Variants in RP1 observed in about 807,000 individuals in gnomAD.
RP1 encodes the protein RP1 axonemal microtubule associated.
Under a neutral mutation model 14.8 loss-of-function variants are expected in RP1, and 16 were observed. The observed-to-expected ratio is 1.08, with a 90% CI of 0.73 to 1.65. The LOEUF is 1.65. Among genes scored for constraint, RP1 ranks in the 40% most tolerant of loss-of-function variants. The probability of loss-of-function intolerance (pLI) is 0.00; values close to 1 mark genes in which losing one functional copy is unlikely to be tolerated. For synonymous variants in RP1, 876 were observed against 883.6 expected, an observed-to-expected ratio of 0.99 and a Z score of 0.15; for missense variants, 2,631 against 2,535.0, an observed-to-expected ratio of 1.04 and a Z score of -0.81.
intron 7 of RP1, among the ~76,000 whole-genome samples, chr8:54,665,289 G>A (rs1806992740): frequency 6.6e-6 from 1 of 152,042 alleles, no homozygotes; most frequent in African/African-American, 2.4e-5. Flanking sequence ...AGATAAGACA[G>A]CCACCTCTCC....
chr8:54,688,678 G>T (rs1416591438), intron 12 of RP1, among the ~76,000 whole-genome samples: 1 of 152,132 alleles, frequency 6.6e-6, no homozygotes, highest in East Asian at 1.9e-4. Flanking sequence ...CTATATATCT[G>T]TTTTGGTACC....
intron 1 of RP1, among the ~76,000 whole-genome samples, chr8:54,587,351 G>A (rs913446432): frequency 8.6e-5 from 13 of 151,714 alleles, no homozygotes; most frequent in Non-Finnish European, 1.6e-4. Flanking sequence ...GCTTGAACTC[G>A]GAAGATGGAG....
intron 25 of RP1, among the ~76,000 whole-genome samples, chr8:54,842,195 C>A (rs1231971153): frequency 6.6e-6 from 1 of 152,144 alleles, no homozygotes; most frequent in African/African-American, 2.4e-5. Context: ...ACCTTTTCAT[C>A]CACGAGAGAA....
intron 1 of RP1, among the ~76,000 whole-genome samples, chr8:54,596,812 G>A (rs1399022759): frequency 1.3e-5 from 2 of 152,184 alleles, no homozygotes; most frequent in East Asian, 3.9e-4. Context: ...CCATCTCCTT[G>A]CCTTCTACAA....
chr8:54,734,651 G>A lies in RP1; in HGVS notation c.2628G>A (p.Trp876Ter). 1.3e-6 allele frequency: 2 copies of A among 1,535,728 alleles called. No homozygotes were observed. Among genetic ancestry groups the A allele is most frequent in the Non-Finnish European group, 1.7e-6 (2 of 1,146,686 alleles). The change falls in exon 18 of 23, where the codon TGG (tryptophan) becomes TGA (stop). Residue 876 changes from tryptophan (W) to a stop codon, truncating the protein, a stop_gained. Coordinates refer to the RP1 transcript ENST00000636932. LOFTEE classifies it high-confidence loss of function. ...GAACTCAAGCCAATGTCACTCTCTG[G>A]GTGTATGGAGATAAAGGAGTCACTG... is the stretch of plus-strand genomic sequence containing the variant.
In RP1 at chr8:54,852,321, T is replaced by A. The variant is rs574916732; in HGVS notation, c.3836-253T>A. On this transcript the variant is annotated intron_variant, in intron 25 of 28. Coordinates refer to the RP1 transcript ENST00000637698. ...ATAATAACTGTGAAAGTGCAGTGGT[T>A]ATTGAAAGTACATAATTGCTAACAA... 2.6e-5 allele frequency among the ~76,000 whole-genome samples: 4 copies of A among 152,300 alleles called. No individual in the cohort carries two copies. In the South Asian group the frequency reaches 8.3e-4, roughly 32 times the overall value.
intron 17 of RP1, among the ~76,000 whole-genome samples, chr8:54,730,542 T>C (rs145961539): frequency 6.5e-4 from 99 of 152,228 alleles, no homozygotes; most frequent in African/African-American, 2.3e-3. Context: ...TTGGAATACA[T>C]GTTTTGGGCA....
chr8:54,679,874 T>A, exon 12 of RP1: 1 of 1,536,050 alleles, frequency 6.5e-7, no homozygotes, highest in South Asian at 1.2e-5. Flanking sequence ...ACTGGAGGGT[T>A]TGTCCGTTTG....
chr8:54,854,747 C>A (rs1242262736), intron 26 of RP1, among the ~76,000 whole-genome samples: 1 of 152,150 alleles, frequency 6.6e-6, no homozygotes, highest in Non-Finnish European at 1.5e-5. Context: ...CGCCTGTAGT[C>A]TCAGCTACTC....
In RP1 at chr8:54,627,816, G is replaced by A; in HGVS notation, c.3934G>A (p.Asp1312Asn). 6.2e-7 allele frequency: 1 copy of A among 1,614,136 alleles called. No homozygotes were observed. The highest frequency in any genetic ancestry group is 8.5e-7 in the Non-Finnish European group (1 of 1,179,984). Residue 1312 changes from aspartate (D) to asparagine (N), a missense_variant, in exon 4 of 4, where the codon GAT becomes AAT. Transcript: ENST00000220676. ...VCSLTDTVFS[D>N]KACAQKENHT... ...TTCACTTACTGATACTGTGTTTTCT[G>A]ATAAGGCTTGTGCTCAAAAGGAGAA...
intron 8 of RP1, among the ~76,000 whole-genome samples, chr8:54,678,106 T>C (rs1021580096): frequency 6.6e-6 from 1 of 152,204 alleles, no homozygotes; most frequent in Non-Finnish European, 1.5e-5. Context: ...AAAGTGTTGG[T>C]AACTCATCGA....
At chr8:54,705,481 A>C (rs542812077) in intron 14 of RP1, among the ~76,000 whole-genome samples, 1 of 152,146 alleles carries the variant, frequency 6.6e-6, no homozygotes, top group African/African-American at 2.4e-5. Flanking sequence ...TAGTGAGTCC[A>C]TGTGGCTGGT....
chr8:54,639,422 C>T (rs1483065546), intron 3 of RP1, among the ~76,000 whole-genome samples: 1 of 151,990 alleles, frequency 6.6e-6, no homozygotes, highest in South Asian at 2.1e-4. Flanking sequence ...TTTATCTTTC[C>T]TAGGTAAATA....
chr8:54,733,509 A>G (rs982903096), intron 17 of RP1, among the ~76,000 whole-genome samples: 1 of 152,146 alleles, frequency 6.6e-6, no homozygotes, highest in African/African-American at 2.4e-5. Context: ...TTTTTATTTT[A>G]AAATTAGTTC....
At chr8:54,776,105 G>A (rs1328882243) in intron 23 of RP1, among the ~76,000 whole-genome samples, 1 of 152,190 alleles carries the variant, frequency 6.6e-6, no homozygotes, top group East Asian at 1.9e-4. Context: ...CATTTATACT[G>A]TGTTAGTTAT....
intron 25 of RP1, among the ~76,000 whole-genome samples, chr8:54,838,155 C>A (rs1347346810): frequency 6.6e-6 from 1 of 152,226 alleles, no homozygotes; most frequent in Non-Finnish European, 1.5e-5. Flanking sequence ...TTCAGCTCAT[C>A]TTTCTGTAAT....
intron 25 of RP1, among the ~76,000 whole-genome samples, chr8:54,845,089 T>C (rs1228057859): frequency 1.3e-5 from 2 of 152,172 alleles, no homozygotes; most frequent in African/African-American, 2.4e-5. Flanking sequence ...CATATGGACC[T>C]GGGTCTAGGA....
intron 24 of RP1, among the ~76,000 whole-genome samples, chr8:54,786,874 T>A (rs1810331102): frequency 6.6e-6 from 1 of 152,144 alleles, no homozygotes; most frequent in Non-Finnish European, 1.5e-5. Flanking sequence ...GGCTATGTCA[T>A]GTGACCAAAT....
chr8:54,758,630 G>A (rs1054887360), intron 21 of RP1, among the ~76,000 whole-genome samples: 4 of 152,192 alleles, frequency 2.6e-5, no homozygotes, highest in Non-Finnish European at 4.4e-5. Flanking sequence ...GGTCTAACGA[G>A]AGAAAAGTGT....
Sources: allele counts gnomAD v4.1 joint callset (sites outside exome capture counted in the v4.1 genomes callset), GRCh38; gene constraint gnomAD v4.1.1; transcripts MANE v1.5; gene names NCBI Gene and HGNC (gene_info 2026-07-23, HGNC 2026-07-21).